PMM2: variants seen among roughly 807,000 people sequenced by gnomAD.
PMM2 encodes the protein mannose-6-phosphate isomerase.
Under a neutral mutation model 33.2 loss-of-function variants are expected in PMM2, and 35 were observed. The ratio of observed to expected loss-of-function variants is 1.06; its 90% CI spans 0.81 to 1.40. PMM2 has a LOEUF of 1.40. PMM2 is among the 40% of genes most tolerant of loss of function. PMM2 has a pLI of 0.00. For missense variants in PMM2, 386 were observed against 306.0 expected, an observed-to-expected ratio of 1.26 and a Z score of -1.95; for synonymous variants, 153 against 114.7, an observed-to-expected ratio of 1.33 and a Z score of -2.13.
intron 2 of PMM2, among the ~76,000 whole-genome samples, chr16:8,803,078 G>A (rs1330828173): frequency 6.6e-6 from 1 of 152,034 alleles, no homozygotes; most frequent in Non-Finnish European, 1.5e-5. Flanking sequence ...GCACACATAC[G>A]GCTATGACTA....
At chr16:8,819,669 T>C (rs994370640) in intron 7 of PMM2, among the ~76,000 whole-genome samples, 1 of 147,532 alleles carries the variant, frequency 6.8e-6, no homozygotes. Context: ...CACTCCAGCC[T>C]AGGCAACAGA....
intron 3 of PMM2, among the ~76,000 whole-genome samples, chr16:8,805,591 TTTTTTTC>T (rs1013891659): frequency 4.4e-4 from 67 of 151,978 alleles, no homozygotes; most frequent in African/African-American, 7.2e-4. Flanking sequence ...TAAGCATTTT[TTTTTTTC>T]TTTTTTCTTT....
chr16:8,827,903 ATAT>A (rs2060785640), intron 7 of PMM2, among the ~76,000 whole-genome samples: 1 of 114,528 alleles, frequency 8.7e-6, no homozygotes. Context: ...TATATGATAT[ATAT>A]TATATATATT....
intron 6 of PMM2, among the ~76,000 whole-genome samples, chr16:8,811,918 T>TA (rs1409749978): frequency 1.3e-5 from 2 of 152,218 alleles, no homozygotes; most frequent in Non-Finnish European, 2.9e-5. Context: ...AGAAACAGCT[T>TA]ACACGCTGTT....
intron 7 of PMM2, among the ~76,000 whole-genome samples, chr16:8,826,831 C>T (rs1315196070): frequency 6.6e-6 from 1 of 152,062 alleles, no homozygotes; most frequent in Non-Finnish European, 1.5e-5. Flanking sequence ...CTTGTCACGA[C>T]TCACAGAGAC....
At chr16:8,802,372 C>T (rs1038662650) in intron 2 of PMM2, 3 of 432,146 alleles carry the variant, frequency 6.9e-6, no homozygotes, top group South Asian at 1.6e-5. Flanking sequence ...GTCTGTGGAG[C>T]CTGGGAATCC....
chr16:8,810,324 T>C (rs1454548254), intron 4 of PMM2: 2 of 152,232 alleles, frequency 1.3e-5, no homozygotes, highest in East Asian at 3.8e-4. Context: ...CGTAGCAAAA[T>C]AGATGTCTGG....
intron 7 of PMM2, among the ~76,000 whole-genome samples, chr16:8,824,046 C>G (rs2060752564): frequency 6.6e-6 from 1 of 152,210 alleles, no homozygotes; most frequent in Non-Finnish European, 1.5e-5. Flanking sequence ...AGAATACTCA[C>G]AAATAGTTTC....
intron 7 of PMM2, among the ~76,000 whole-genome samples, chr16:8,831,290 A>G (rs552380171): frequency 6.6e-6 from 1 of 152,198 alleles, no homozygotes; most frequent in Non-Finnish European, 1.5e-5. Flanking sequence ...CTCAGTTATA[A>G]TTTTTGCAAA....
chr16:8,800,360 C>CA (rs5815496), intron 1 of PMM2, among the ~76,000 whole-genome samples: 68 of 128,408 alleles, frequency 5.3e-4, no homozygotes, highest in Admixed American at 1.1e-3. Flanking sequence ...GACTTCGTGT[C>CA]AAAAAAAAAA....
Position 8,847,866 on chromosome 16 carries a change from C to G in PMM2, c.*41C>G. ...GGCGGGGTCCCGGCTGACAAGCCAG[C>G]ATAGGGCATTCGGTGGCCAGAGCCG... On this transcript the variant is annotated 3_prime_UTR_variant, in exon 8 of 8. Coordinates refer to ENST00000268261, the MANE Select transcript of PMM2 (RefSeq NM_000303.3). The G allele has an allele frequency of 6.8e-7, 1 of 1,480,836 alleles. No homozygotes were observed. Among genetic ancestry groups the G allele is most frequent in the Non-Finnish European group, 9.4e-7 (1 of 1,063,514 alleles). The allele number at this position is 1,480,836 out of a possible 1,614,324, so 91.7% of individuals were successfully genotyped here.
At chr16:8,802,951 G>A (rs936063975) in intron 2 of PMM2, among the ~76,000 whole-genome samples, 13 of 151,926 alleles carry the variant, frequency 8.6e-5, no homozygotes, top group African/African-American at 2.2e-4. Flanking sequence ...TCTCACCTTC[G>A]CACTATTGAT....
intron 7 of PMM2, among the ~76,000 whole-genome samples, chr16:8,827,531 G>A (rs2060776356): frequency 6.7e-6 from 1 of 149,726 alleles, no homozygotes; most frequent in Non-Finnish European, 1.5e-5. Context: ...GAGTAGCTGG[G>A]ACCACAGGCA....
At position 8,827,798 on chromosome 16, in the gene PMM2, AC is replaced by A. The variant is rs2060781394; in HGVS notation, c.639+14693del. 9.9e-5 allele frequency among the ~76,000 whole-genome samples: 7 copies of A among 70,710 alleles called. No homozygotes were observed. The South Asian group carries it at 2.6e-3, about 27-fold the overall frequency. 46.4% of individuals were successfully genotyped at this position (70,710 alleles called of 152,430 possible). Reference sequence around the variant, plus strand: ...TATATATATATTTATATATATTTATACATATTTATATATTTATATAATATAT... The same window carrying A: ...TATATATATATTTATATATATTTATAATATTTATATATTTATATAATATAT... On this transcript the variant is annotated intron_variant, in intron 7 of 7. Coordinates refer to ENST00000268261, the MANE Select transcript of PMM2 (RefSeq NM_000303.3).
At chr16:8,808,359 C>G (rs2060658209) in intron 4 of PMM2, 2 of 150,378 alleles carry the variant, frequency 1.3e-5, no homozygotes, top group Admixed American at 6.6e-5. Context: ...GGGCTGAGCA[C>G]TAAGGGAGGA....
At chr16:8,798,954 G>T (rs990742960) in intron 1 of PMM2, among the ~76,000 whole-genome samples, 2 of 152,180 alleles carry the variant, frequency 1.3e-5, no homozygotes, top group Non-Finnish European at 2.9e-5. Flanking sequence ...ACCTAGTGAT[G>T]ACGCTCAACT....
At chr16:8,821,937 C>T (rs892794744) in intron 7 of PMM2, among the ~76,000 whole-genome samples, 1 of 152,244 alleles carries the variant, frequency 6.6e-6, no homozygotes. Context: ...GCTCTTGTCT[C>T]ATTGGCCCTG....
At position 8,800,989 on chromosome 16, in the gene PMM2, T is replaced by C. The variant is rs2141016429; in HGVS notation, c.67-810T>C. On this transcript the variant is annotated intron_variant, in intron 1 of 7. Transcript: ENST00000268261. ...TGAGCCTCCATGTCTGGCCCTAAGC[T>C]TCCTCTTTAATTTCATTATGTTGTT... Among the ~76,000 whole-genome samples, 3 of 152,354 alleles carry C rather than the reference T, an allele frequency of 2.0e-5. No individual in the cohort carries two copies. In the East Asian group the frequency reaches 5.8e-4, roughly 29 times the overall value.
intron 7 of PMM2, among the ~76,000 whole-genome samples, chr16:8,835,282 A>G (rs1004999090): frequency 9.2e-5 from 14 of 151,800 alleles, no homozygotes; most frequent in African/African-American, 2.9e-4. Context: ...GAGATTAATC[A>G]GACACGATCA....
Sources: gnomAD v4.1 joint callset for allele counts (sites outside exome capture counted in the v4.1 genomes callset) on GRCh38, gnomAD v4.1.1 for gene constraint, MANE v1.5 for transcripts, NCBI Gene and HGNC (gene_info 2026-07-23, HGNC 2026-07-21) for gene names.